The following AGGF1 variants were observed in gnomAD, a reference collection of about 807,000 sequenced individuals.
AGGF1 encodes angiogenic factor with G-patch and FHA domains 1.
A neutral mutation model predicts 86.5 loss-of-function variants in AGGF1; 56 were observed. The observed-to-expected ratio is 0.65, with a 90% confidence interval of 0.52 to 0.81. AGGF1 has a LOEUF of 0.81. Ranked by LOEUF, AGGF1 falls within the 30% of genes least tolerant of loss-of-function variation. The pLI is 0.00. For missense variants in AGGF1, 816 were observed against 850.9 expected (o/e 0.96, Z 0.51); for synonymous variants, 313 against 297.1 (o/e 1.05, Z -0.55).
At position 77,039,533 on chromosome 5, in the gene AGGF1, A is replaced by T; in HGVS notation, c.684A>T (p.Glu228Asp). The change falls in exon 5 of 14, where the codon GAA (glutamate) becomes GAT (aspartate). Residue 228 changes from glutamate to aspartate, a missense_variant and splice_region_variant. By Grantham distance (45) the Glu-to-Asp change is conservative. Transcript: ENST00000312916. The stretch of plus-strand genomic sequence containing the variant: ...TATTTTTTTCTTGACTTTCAAAGGA[A>T]AATCAACTCTATTATGATCCTTCCA... ...DHSTGFYYDSENQLYYDPSTG... is the reference protein window; with the variant it reads ...DHSTGFYYDSDNQLYYDPSTG... The T allele has an allele frequency of 6.3e-7, 1 of 1,595,800 alleles. No individual in the cohort carries two copies. The highest frequency in any genetic ancestry group is 8.6e-7 in the Non-Finnish European group (1 of 1,168,832).
At chr5:77,053,335 A>G (rs1282173459) in intron 9 of AGGF1, among the ~76,000 whole-genome samples, 1 of 152,182 alleles carries the variant, frequency 6.6e-6, no homozygotes, top group African/African-American at 2.4e-5. Flanking sequence ...CCTGGCCACC[A>G]TGGTGAAACC....
At chr5:77,041,005 G>C (rs1448379909) in intron 5 of AGGF1, among the ~76,000 whole-genome samples, 1 of 152,194 alleles carries the variant, frequency 6.6e-6, no homozygotes, top group East Asian at 1.9e-4. Flanking sequence ...TGGGATTATA[G>C]GCGTGAGCCA....
At chr5:77,034,036 C>T (rs1746918695) in intron 1 of AGGF1, among the ~76,000 whole-genome samples, 2 of 152,102 alleles carry the variant, frequency 1.3e-5, no homozygotes, top group African/African-American at 2.4e-5. Flanking sequence ...AGTTAATTCC[C>T]AGTGGAGAAT....
chr5:77,035,626 A>G lies in AGGF1; in HGVS notation c.399A>G (p.Glu133=), dbSNP rs144062565. The G allele has an allele frequency of 9.3e-6, 15 of 1,613,640 alleles. No homozygotes were observed. The highest frequency in any genetic ancestry group is 1.7e-5 in the Admixed American group (1 of 60,004). ...CAGATCAACAAGATCAAGCTATCGA[A>G]ACTTCTATTTTGAATTCTAAAGACC... ...ELSDQQDQAI[E]TSILNSKDHL... The change falls in exon 3 of 14, where the codon GAA becomes GAG. Residue 133 remains glutamate (E), a synonymous_variant. Coordinates refer to ENST00000312916, the MANE Select transcript of AGGF1 (RefSeq NM_018046.5).
chr5:77,035,839 G>GGAC lies in AGGF1; in HGVS notation c.516+96_516+97insGAC. ...AGATAGACTTCTTTGGTCCGTCACA[G>GGAC]CATATATAAGGGTTATAAACATTCT... On this transcript the variant is annotated intron_variant, in intron 3 of 13. Transcript: ENST00000312916. The GGAC allele has an allele frequency of 6.7e-6, 7 of 1,048,596 alleles. No homozygotes were observed. The South Asian group carries it at 7.9e-5, about 12-fold the overall frequency. The allele number at this position is 1,048,596 out of a possible 1,614,324, so 65.0% of individuals were successfully genotyped here. A position where few individuals can be genotyped will look rare whatever the true frequency, so the allele number is the denominator to read the frequency against.
intron 1 of AGGF1, among the ~76,000 whole-genome samples, chr5:77,032,265 A>AAC (rs1746875412): frequency 6.7e-6 from 1 of 150,250 alleles, no homozygotes; most frequent in Non-Finnish European, 1.5e-5. Flanking sequence ...AAAAAAAAAA[A>AAC]AAAAAAAAAC....
In AGGF1 at chr5:77,063,931, A is replaced by G. The variant is rs886794415; in HGVS notation, c.*679A>G. 7.9e-5 allele frequency: 12 copies of G among 152,674 alleles called. No homozygotes were observed. The highest frequency in any genetic ancestry group is 2.0e-4 in the Admixed American group (3 of 15,276). The allele number at this position is 152,674 out of a possible 1,614,324, so 9.5% of individuals were successfully genotyped here. On this transcript the variant is annotated 3_prime_UTR_variant, in exon 14 of 14. Transcript: ENST00000312916. ...TATGAACAACTGAATACATATTGAA[A>G]TAGTGTGCTGGCTTTTGTAGTTTTG...
Position 77,043,748 on chromosome 5 carries a change from T to C in AGGF1, c.871-2599T>C, listed in dbSNP as rs374469868. ...GACGCTCCTCACTTCCCAGATGGGG[T>C]GGCTGCCGGGCGGAGAGGCTCCTCA... On this transcript the variant is annotated intron_variant, in intron 5 of 13. Coordinates refer to ENST00000312916, the MANE Select transcript of AGGF1 (RefSeq NM_018046.5). Among the ~76,000 whole-genome samples, 6 of 116,294 alleles carry C rather than the reference T, an allele frequency of 5.2e-5. No individual in the cohort carries two copies. The South Asian group carries it at 1.4e-3, about 28-fold the overall frequency. 76.3% of individuals were successfully genotyped at this position (116,294 alleles called of 152,430 possible).
In AGGF1 at chr5:77,036,636, A is replaced by G. The variant is rs1390497717; in HGVS notation, c.597A>G (p.Glu199=). Residue 199 remains glutamate, a synonymous_variant, in exon 4 of 14, where the codon GAA becomes GAG. Coordinates refer to ENST00000312916, the MANE Select transcript of AGGF1 (RefSeq NM_018046.5). ...CTGAAAGTTTGAGAGCTGCAGCAGA[A>G]GCGGCTGTATCACAGACTGGATTTA... ...SLAESLRAAA[E]AAVSQTGFSY... The G allele has an allele frequency of 3.1e-6, 5 of 1,613,898 alleles. No individual in the cohort carries two copies. The South Asian group carries it at 5.5e-5, about 18-fold the overall frequency.
At chr5:77,036,341 A>T (rs1290138096) in intron 3 of AGGF1, among the ~76,000 whole-genome samples, 1 of 152,178 alleles carries the variant, frequency 6.6e-6, no homozygotes, top group Non-Finnish European at 1.5e-5. Flanking sequence ...ATTGTCACTC[A>T]TTTTTAGTGC....
intron 11 of AGGF1, among the ~76,000 whole-genome samples, chr5:77,059,033 C>T (rs757662407): frequency 1.1e-4 from 17 of 152,128 alleles, no homozygotes; most frequent in Non-Finnish European, 1.9e-4. Flanking sequence ...TTAAAAGTCT[C>T]TACATTTCTC....
At chr5:77,056,031 CA>C in intron 11 of AGGF1, among the ~76,000 whole-genome samples, 1 of 152,168 alleles carries the variant, frequency 6.6e-6, no homozygotes, top group Non-Finnish European at 1.5e-5. Flanking sequence ...ATTGATTGAA[CA>C]ACATAGTTGG....
At chr5:77,062,991 A>C in intron 13 of AGGF1, 61 bp from the exon 14 acceptor site, 1 of 1,574,230 alleles carries the variant, frequency 6.4e-7, no homozygotes, top group South Asian at 1.1e-5. Context: ...TAAGTTGGAC[A>C]CAGCAGATTT....
intron 11 of AGGF1, among the ~76,000 whole-genome samples, chr5:77,059,390 C>T (rs1046586136): frequency 3.9e-5 from 6 of 152,090 alleles, no homozygotes; most frequent in African/African-American, 1.4e-4. Flanking sequence ...CTGTATTGCT[C>T]ACACTGGTCT....
At chr5:77,043,598 C>T (rs1303508884) in intron 5 of AGGF1, among the ~76,000 whole-genome samples, 15 of 43,332 alleles carry the variant, frequency 3.5e-4, no homozygotes, top group Non-Finnish European at 6.3e-4. Flanking sequence ...CCCCCCCCCC[C>T]CCGGATGGCA....
At chr5:77,046,308 T>C (rs758213530) in intron 5 of AGGF1, 39 bp from the exon 6 acceptor site, 1 of 1,503,614 alleles carries the variant, frequency 6.7e-7, no homozygotes, top group South Asian at 1.1e-5. Flanking sequence ...TTTAAGAGTA[T>C]TCTCCCCTGT....
intron 12 of AGGF1, among the ~76,000 whole-genome samples, chr5:77,060,827 CT>C (rs1311200096): frequency 6.6e-6 from 1 of 152,078 alleles, no homozygotes; most frequent in African/African-American, 2.4e-5. Context: ...CAACATGACA[CT>C]TTTTTTAAGT....
chr5:77,035,707 A>G lies in AGGF1; in HGVS notation c.480A>G (p.Lys160=), dbSNP rs1580123337. Residue 160 remains lysine, a synonymous_variant, in exon 3 of 14, where the codon AAA becomes AAG. Transcript: ENST00000312916. The part of the protein sequence containing the change: ...YPGTDRTENV[K]YRQVDHFASN... ...GTACCGATAGAACAGAAAATGTTAA[A>G]TATAGACAAGTGGACCATTTTGCCT... 1 of 1,613,648 alleles carries G rather than the reference A, an allele frequency of 6.2e-7. No individual in the cohort carries two copies. Among genetic ancestry groups the G allele is most frequent in the Non-Finnish European group, 8.5e-7 (1 of 1,179,702 alleles).
rs372581169 is a variant in AGGF1 at position 77,030,816 on chromosome 5, C to T, written c.50C>T (p.Ser17Phe). 60 of 1,607,542 alleles carry T rather than the reference C, an allele frequency of 3.7e-5. No homozygotes were observed. The highest frequency in any genetic ancestry group is 5.0e-5 in the Admixed American group (3 of 59,748). The change falls in exon 1 of 14, where the codon TCC becomes TTC. Residue 17 changes from serine (S) to phenylalanine (F), a missense_variant. Around this residue, in one of 3 missense-constraint regions of AGGF1, gnomAD observed 240 missense variants for 234.4 expected, o/e 1.02. Transcript: ENST00000312916. ...CCGCGGTCGCCGCCGCCGCCCACCT[C>T]CCCCGAGCCTGAGCTGGCCCAGCTA... is the stretch of plus-strand genomic sequence containing the variant. ...SPPRSPPPPT[S>F]PEPELAQLRR...
Sources: gnomAD v4.1 joint callset for allele counts (sites outside exome capture counted in the v4.1 genomes callset) on GRCh38, gnomAD v4.1.1 for gene constraint, gnomAD v4.1.1 regional missense constraint, MANE v1.5 for transcripts, NCBI Gene and HGNC (gene_info 2026-07-23, HGNC 2026-07-21) for gene names.